Variants in HLA-DPA1 observed in about 807,000 individuals in gnomAD.
The protein encoded by HLA-DPA1 is HLA class II histocompatibility antigen, DP alpha 1 chain.
Under a neutral mutation model 21.5 loss-of-function variants are expected in HLA-DPA1, and 20 were observed. The ratio of observed to expected loss-of-function variants is 0.93; its 90% CI spans 0.66 to 1.35. The LOEUF is 1.35. Ranked by LOEUF, HLA-DPA1 falls within the 40% of genes most tolerant of loss-of-function variation. The pLI, the probability that HLA-DPA1 is intolerant of heterozygous loss-of-function variation, is 0.00. For synonymous variants in HLA-DPA1, 123 were observed against 129.6 expected (o/e 0.95, Z 0.35); for missense variants, 279 against 323.0 (o/e 0.86, Z 1.05).
rs751855026 is a variant in HLA-DPA1, at chr6:33,073,482, C to T, written c.89G>A (p.Gly30Glu). Residue 30 changes from glycine (G) to glutamate (E), a missense_variant, in exon 2 of 6, where the codon GGG (glycine) becomes GAG (glutamate). Gly to Glu is a moderately conservative substitution (Grantham distance 98). Coordinates refer to ENST00000419277, the Ensembl canonical transcript of HLA-DPA1. Reference sequence around the variant, plus strand: ...TCCTGAGCACTCACCCTTGATGGCCCCAGCTCCTCGGAGACTCAGCAGGAA... The same window carrying T: ...TCCTGAGCACTCACCCTTGATGGCCTCAGCTCCTCGGAGACTCAGCAGGAA... 4.2e-5 allele frequency: 67 copies of T among 1,611,478 alleles called. 1 individual carries two copies. The highest frequency in any genetic ancestry group is 5.5e-5 in the South Asian group (5 of 91,058).
At chr6:33,072,601 T>C (rs1010244385) in intron 2 of HLA-DPA1, among the ~76,000 whole-genome samples, 2 of 152,224 alleles carry the variant, frequency 1.3e-5, no homozygotes, top group Non-Finnish European at 2.9e-5. Context: ...TCCTCTTTAT[T>C]CTACACATCT....
At chr6:33,071,568 T>A (rs373133400) in intron 2 of HLA-DPA1, among the ~76,000 whole-genome samples, 2 of 151,954 alleles carry the variant, frequency 1.3e-5, no homozygotes, top group Admixed American at 6.5e-5. Context: ...AAAAGACTAC[T>A]ATATGTCAAA....
At chr6:33,075,687 G>A (rs1401204047) in intron 1 of HLA-DPA1, among the ~76,000 whole-genome samples, 1 of 152,184 alleles carries the variant, frequency 6.6e-6, no homozygotes, top group East Asian at 1.9e-4. Flanking sequence ...AATCCCTGTA[G>A]ATGGGCCAGC....
Position 33,071,313 on chromosome 6 carries a change from T to G in HLA-DPA1, c.101-1427A>C, listed in dbSNP as rs147925662. On this transcript the variant is annotated intron_variant, in intron 2 of 5. Transcript: ENST00000419277. ...TCCTATAGGTATTTCACTAGGAAACTTAGCTTGCTCCTCAGTTTAAAGGAC... is the reference window on the plus strand; with the variant it reads ...TCCTATAGGTATTTCACTAGGAAACGTAGCTTGCTCCTCAGTTTAAAGGAC... Among the ~76,000 whole-genome samples the G allele has an allele frequency of 3.5e-3, 538 of 152,306 alleles. 2 individuals are homozygous for G. The highest frequency in any genetic ancestry group is 0.026 in the East Asian group (133 of 5,190).
chr6:33,078,669 T>C (rs1265687453), intron 1 of HLA-DPA1, among the ~76,000 whole-genome samples: 1 of 152,224 alleles, frequency 6.6e-6, no homozygotes, highest in Non-Finnish European at 1.5e-5. Context: ...AAACCCCTCA[T>C]TGCTTATGTC....
chr6:33,072,203 A>G (rs72500562), intron 2 of HLA-DPA1, among the ~76,000 whole-genome samples: 43,912 of 152,026 alleles, frequency 0.29, 8,375 homozygotes, highest in East Asian at 0.69. Context: ...GAACCCACTG[A>G]ATTTGACCTT....
exon 4 of HLA-DPA1, chr6:33,069,037 G>A (rs1481396907): frequency 1.2e-6 from 2 of 1,612,874 alleles, no homozygotes; most frequent in Non-Finnish European, 1.7e-6. Context: ...TTGAGGAGCG[G>A]CTGGTCCAAG....
At chr6:33,076,051 C>T in intron 1 of HLA-DPA1, 1 of 1,611,864 alleles carries the variant, frequency 6.2e-7, no homozygotes, top group Non-Finnish European at 8.5e-7. Context: ...CATGATGGTT[C>T]TGCAGGTTTC....
At chr6:33,079,452 TG>T (rs1210716666) in intron 1 of HLA-DPA1, 6 of 246,254 alleles carry the variant, frequency 2.4e-5, no homozygotes, top group Admixed American at 4.4e-5. Context: ...CTCCACATCA[TG>T]GCCTCCCTCA....
rs1029120912 is a variant in HLA-DPA1 at position 33,068,454 on chromosome 6, A to C, written c.*12+184T>G. 9 of 528,242 alleles carry C rather than the reference A, an allele frequency of 1.7e-5. No individual in the cohort carries two copies. In the Admixed American group the frequency reaches 3.1e-4, roughly 18 times the overall value. The allele number at this position is 528,242 out of a possible 1,614,324, so 32.7% of individuals were successfully genotyped here. ...CTATGTGTGAGAATAAAGTGAGTTAATAAATGTAAATCCTCAGAATAGCGC... is the reference window on the plus strand; with the variant it reads ...CTATGTGTGAGAATAAAGTGAGTTACTAAATGTAAATCCTCAGAATAGCGC... On this transcript the variant is annotated intron_variant, in intron 5 of 5. Transcript: ENST00000419277.
At chr6:33,068,766 T>C (rs777540597) in exon 5 of HLA-DPA1, 1 of 1,612,926 alleles carries the variant, frequency 6.2e-7, no homozygotes, top group African/African-American at 1.3e-5. Flanking sequence ...CAGAGCACAG[T>C]CTCCGTTGTC....
intron 1 of HLA-DPA1, chr6:33,076,252 A>G (rs1301368755): frequency 1.4e-6 from 1 of 708,134 alleles, no homozygotes; most frequent in Admixed American, 2.5e-5. Flanking sequence ...TCCTGCCCTA[A>G]GGCAGTGTCC....
In HLA-DPA1 at chr6:33,068,669, C is replaced by T. The variant is rs143120448; in HGVS notation, c.764G>A (p.Arg255Gln). The T allele has an allele frequency of 9.0e-4, 1,457 of 1,612,656 alleles. 15 individuals are homozygous for T. The African/African-American group carries it at 0.017, about 19-fold the overall frequency. ...AGTATTTCACAGGGTCCCCTGGGCC[C>T]GGGGGTCATGGCCAGAACGCAGAGA... Residue 255 changes from arginine to glutamine, a missense_variant, in exon 5 of 6, where the codon CGG becomes CAG. Arg to Gln is a conservative substitution (Grantham distance 43). Coordinates refer to ENST00000419277, the Ensembl canonical transcript of HLA-DPA1.
At chr6:33,072,959 T>C (rs9380336) in intron 2 of HLA-DPA1, among the ~76,000 whole-genome samples, 43,309 of 151,932 alleles carry the variant, frequency 0.29, 8,079 homozygotes, top group East Asian at 0.66. Flanking sequence ...AAACACTCTT[T>C]GCACTTCGTC....
exon 6 of HLA-DPA1, chr6:33,065,269 G>T (rs1001780053): frequency 2.0e-5 from 3 of 152,318 alleles, no homozygotes; most frequent in Admixed American, 2.0e-4. Flanking sequence ...GAAGTGAGAA[G>T]AAAAGCTGAG....
intron 1 of HLA-DPA1, among the ~76,000 whole-genome samples, chr6:33,074,751 T>C (rs1426028413): frequency 6.6e-6 from 1 of 152,160 alleles, no homozygotes; most frequent in African/African-American, 2.4e-5. Context: ...ATGTCTACTG[T>C]AAAAATAAAT....
In HLA-DPA1 at chr6:33,071,810, T is replaced by A. The variant is rs541440707; in HGVS notation, c.100+1661A>T. Reference sequence around the variant, plus strand: ...GAAAACAGGGCAAAAGCCACTTCTCTCAGGGAAGACAGCCTGACCGGGAGA... The same window carrying A: ...GAAAACAGGGCAAAAGCCACTTCTCACAGGGAAGACAGCCTGACCGGGAGA... On this transcript the variant is annotated intron_variant, in intron 2 of 5. Transcript: ENST00000419277. 4.0e-3 allele frequency among the ~76,000 whole-genome samples: 540 copies of A among 133,990 alleles called. 3 individuals are homozygous for A. In the East Asian group the frequency reaches 0.048, roughly 12 times the overall value. The allele number at this position is 133,990 out of a possible 152,430, so 87.9% of individuals were successfully genotyped here. A position where few individuals can be genotyped will look rare whatever the true frequency, so the allele number is the denominator to read the frequency against.
chr6:33,073,523 T>A (rs1437443220), exon 2 of HLA-DPA1: 1 of 1,613,034 alleles, frequency 6.2e-7, no homozygotes, highest in Non-Finnish European at 8.5e-7. Context: ...AGGAGAGGGC[T>A]CTCAAGATCA....
At position 33,080,072 on chromosome 6, in the gene HLA-DPA1, T is replaced by C. The variant is rs1435925526; in HGVS notation, c.-100+608A>G. Among the ~76,000 whole-genome samples, 1 of 152,210 alleles carries C rather than the reference T, an allele frequency of 6.6e-6. No homozygotes were observed. Among genetic ancestry groups the C allele is most frequent in the Non-Finnish European group, 1.5e-5 (1 of 68,044 alleles). ...AACTTTCAGGCTACAGAGTCTTTCT[T>C]ATACCAAAGTTGAAGAAAGTTTTAA... On this transcript the variant is annotated intron_variant, in intron 1 of 5. Coordinates refer to ENST00000419277, the Ensembl canonical transcript of HLA-DPA1. The surrounding 1 kb of genome is among the most constrained non-coding windows in gnomAD (Gnocchi z 4.3).
Sources: gnomAD v4.1 joint callset for allele counts (sites outside exome capture counted in the v4.1 genomes callset) on GRCh38, gnomAD v4.1.1 for gene constraint, Gnocchi (gnomAD v3.1) non-coding constraint, MANE v1.5 for transcripts, NCBI Gene and HGNC (gene_info 2026-07-23, HGNC 2026-07-21) for gene names.